Variants in DOK4 observed in about 807,000 individuals in gnomAD.
DOK4 encodes docking protein 4, also known as downstream of tyrosine kinase 4.
Under a neutral mutation model 40.1 loss-of-function variants are expected in DOK4, and 26 were observed. The ratio of observed to expected loss-of-function variants is 0.65; its 90% CI spans 0.48 to 0.90. DOK4 has a LOEUF of 0.90. Among genes scored for constraint, DOK4 ranks in the 40% least tolerant of loss-of-function variants. DOK4 has a pLI of 0.00. For synonymous variants in DOK4, 179 were observed against 177.0 expected (o/e 1.01, Z -0.09); for missense variants, 392 against 437.2 (o/e 0.90, Z 0.92).
chr16:57,477,087 G>A (rs1378717042), intron 2 of DOK4, among the ~76,000 whole-genome samples: 1 of 152,232 alleles, frequency 6.6e-6, no homozygotes, highest in Admixed American at 6.5e-5. Flanking sequence ...ACAGTAGGGA[G>A]ACTGAGTGGT....
chr16:57,473,886 T>C lies in DOK4; in HGVS notation c.738+15A>G. Reference sequence around the variant, plus strand: ...CCCCTCCCCCCGTACCCTGGACTGATGCCCGCTGCCTCACCCTCACGTTCT... The same window carrying C: ...CCCCTCCCCCCGTACCCTGGACTGACGCCCGCTGCCTCACCCTCACGTTCT... On this transcript the variant is annotated intron_variant, in intron 7 of 8. Transcript: ENST00000340099. The C allele has an allele frequency of 6.5e-7, 1 of 1,544,210 alleles. No homozygotes were observed. The highest frequency in any genetic ancestry group is 1.9e-4 in the Middle Eastern group (1 of 5,292).
exon 5 of DOK4, chr16:57,475,183 A>T: frequency 4.3e-6 from 7 of 1,613,868 alleles, no homozygotes; most frequent in Non-Finnish European, 5.1e-6. Context: ...CAGACACTCC[A>T]CAGATAGTGT....
chr16:57,477,152 G>T (rs2031216126), intron 2 of DOK4, among the ~76,000 whole-genome samples: 1 of 152,184 alleles, frequency 6.6e-6, no homozygotes, highest in Non-Finnish European at 1.5e-5. Context: ...CCCCTCCTCG[G>T]CCCTACTGTG....
intron 1 of DOK4, among the ~76,000 whole-genome samples, chr16:57,482,358 C>CTTTTTT (rs1437029605): frequency 1.8e-5 from 2 of 111,794 alleles, no homozygotes; most frequent in African/African-American, 6.6e-5. Context: ...AGAGATGGGG[C>CTTTTTT]TTTTGTTTTT....
intron 4 of DOK4, 63 bp from the exon 5 acceptor site, chr16:57,475,282 C>A: frequency 1.3e-6 from 2 of 1,578,462 alleles, no homozygotes; most frequent in Admixed American, 1.7e-5. Flanking sequence ...GTCTGCCCAG[C>A]CTGACTTATG....
chr16:57,482,776 T>C (rs1296311469), intron 1 of DOK4, among the ~76,000 whole-genome samples: 4 of 152,178 alleles, frequency 2.6e-5, no homozygotes, highest in Non-Finnish European at 4.4e-5. Context: ...TGTGAGCAAC[T>C]GCGCCTGGCC....
chr16:57,479,617 G>C lies in DOK4; in HGVS notation c.-110C>G. On this transcript the variant is annotated 5_prime_UTR_variant, in exon 2 of 9. Transcript: ENST00000340099. The surrounding 1 kb of genome is among the most constrained non-coding windows in gnomAD (Gnocchi z 5.8). ...CACCTGTTCCAGACACTCTGTCGGG[G>C]CTGCCGCGAGGGGCTGCTCCTCACC... The C allele has an allele frequency of 8.2e-7, 1 of 1,213,066 alleles. No individual in the cohort carries two copies. The highest frequency in any genetic ancestry group is 1.2e-6 in the Non-Finnish European group (1 of 838,044). The allele number at this position is 1,213,066 out of a possible 1,614,324, so 75.1% of individuals were successfully genotyped here. A position where few individuals can be genotyped will look rare whatever the true frequency, so the allele number is the denominator to read the frequency against.
intron 6 of DOK4, 39 bp from the exon 7 acceptor site, chr16:57,474,078 A>G: frequency 6.2e-7 from 1 of 1,610,692 alleles, no homozygotes; most frequent in East Asian, 2.2e-5. Context: ...GTGGGGACCC[A>G]CCACAGACAT....
chr16:57,476,002 C>T (rs1311208676), intron 2 of DOK4, 45 bp from the exon 3 acceptor site: 1 of 1,519,370 alleles, frequency 6.6e-7, no homozygotes, highest in African/African-American at 1.4e-5. Flanking sequence ...GGACCACTCC[C>T]ACCCCACCAG....
intron 1 of DOK4, among the ~76,000 whole-genome samples, chr16:57,484,988 A>G (rs1229852691): frequency 6.6e-6 from 1 of 152,150 alleles, no homozygotes; most frequent in African/African-American, 2.4e-5. Context: ...GAGATGCTCA[A>G]TATTTGGGGG....
chr16:57,479,361 G>C lies in DOK4; in HGVS notation c.66+81C>G. The C allele has an allele frequency of 2.7e-6, 4 of 1,506,578 alleles. No homozygotes were observed. Among genetic ancestry groups the C allele is most frequent in the Non-Finnish European group, 3.6e-6 (4 of 1,099,538 alleles). 93.3% of individuals were successfully genotyped at this position (1,506,578 alleles called of 1,614,324 possible). On this transcript the variant is annotated intron_variant, in intron 2 of 8. Transcript: ENST00000340099. This position sits in a 1 kb window ranked among gnomAD's most constrained non-coding sequence, Gnocchi z 5.8. The stretch of plus-strand genomic sequence containing the variant: ...GCCGGAGGGCAGCCGCGTGCCCCAC[G>C]CGCCATGCCTCCAAGCCTGGGACCG...
chr16:57,476,092 G>A (rs371388427), intron 2 of DOK4, 135 bp from the exon 3 acceptor site: 187 of 690,592 alleles, frequency 2.7e-4, no homozygotes, highest in African/African-American at 2.6e-3. Flanking sequence ...TGGGGACACC[G>A]GGGGTGGGAG....
At chr16:57,482,364 T>TG (rs370101554) in intron 1 of DOK4, among the ~76,000 whole-genome samples, 15 of 26,710 alleles carry the variant, frequency 5.6e-4, no homozygotes, top group East Asian at 4.2e-3. Flanking sequence ...GGGGCTTTTG[T>TG]TTTTTTTTTT....
intron 2 of DOK4, 49 bp from the exon 3 acceptor site, chr16:57,476,006 C>T: frequency 6.7e-7 from 1 of 1,493,370 alleles, no homozygotes; most frequent in Non-Finnish European, 9.2e-7. Flanking sequence ...CACTCCCACC[C>T]CACCAGCATG....
chr16:57,478,015 T>G (rs2031259717), intron 2 of DOK4, among the ~76,000 whole-genome samples: 1 of 152,232 alleles, frequency 6.6e-6, no homozygotes, highest in African/African-American at 2.4e-5. Context: ...TGGCACACTC[T>G]GCCCTGGGCA....
chr16:57,474,064 G>A (rs2031027565), intron 6 of DOK4, 25 bp from the exon 7 acceptor site: 1 of 1,612,998 alleles, frequency 6.2e-7, no homozygotes, highest in African/African-American at 1.3e-5. Flanking sequence ...CAGAGGGCAA[G>A]ATGGTGGGGA....
At chr16:57,475,660 ATCTC>A (rs745508207) in intron 3 of DOK4, 40 bp from the exon 4 acceptor site, 2,256 of 474,828 alleles carry the variant, frequency 4.8e-3, no homozygotes, top group Middle Eastern at 5.2e-3. Context: ...AGGCCAGTGC[ATCTC>A]TCTCTCTCTC....
intron 1 of DOK4, among the ~76,000 whole-genome samples, chr16:57,482,363 G>GTTTTTTTTTTTT (rs11390639): frequency 1.1e-5 from 1 of 93,036 alleles, no homozygotes; most frequent in African/African-American, 4.4e-5. Context: ...TGGGGCTTTT[G>GTTTTTTTTTTTT]TTTTTTTTTT....
Position 57,485,977 on chromosome 16 carries a change from C to A in DOK4, c.-182+328G>T, listed in dbSNP as rs1211842058. ...GGGAGCTGCCAGGGGCTGGGTTATGCCCCTTCCGGGGGGGCAGGCCCGGGA... is the reference window on the plus strand; with the variant it reads ...GGGAGCTGCCAGGGGCTGGGTTATGACCCTTCCGGGGGGGCAGGCCCGGGA... On this transcript the variant is annotated intron_variant, in intron 1 of 8. Transcript: ENST00000340099. The surrounding 1 kb of genome is among the most constrained non-coding windows in gnomAD (Gnocchi z 4.3). 6.6e-6 allele frequency among the ~76,000 whole-genome samples: 1 copy of A among 152,128 alleles called. No individual in the cohort carries two copies. The highest frequency in any genetic ancestry group is 1.5e-5 in the Non-Finnish European group (1 of 68,008).
Sources: gnomAD v4.1 joint callset for allele counts (sites outside exome capture counted in the v4.1 genomes callset) on GRCh38, gnomAD v4.1.1 for gene constraint, Gnocchi (gnomAD v3.1) non-coding constraint, MANE v1.5 for transcripts, NCBI Gene and HGNC (gene_info 2026-07-23, HGNC 2026-07-21) for gene names.